CFAP95: variants seen among roughly 807,000 people sequenced by gnomAD.
CFAP95 encodes the protein cilia and flagella associated protein 95, also known as cilia- and flagella-associated protein 95.
At chr9:69,856,009 C>T in the CFAP95 span, among the ~76,000 whole-genome samples, 1 of 152,100 alleles carries the variant, frequency 6.6e-6, no homozygotes, top group East Asian at 1.9e-4. Flanking sequence ...AATATTGAAT[C>T]CCTTACATCC....
the CFAP95 span, among the ~76,000 whole-genome samples, chr9:69,848,261 A>C: frequency 6.6e-6 from 1 of 152,196 alleles, no homozygotes; most frequent in Non-Finnish European, 1.5e-5. Flanking sequence ...ATTGTGGACC[A>C]TGGGGAAGAA....
At chr9:69,830,642 G>A in the CFAP95 span, among the ~76,000 whole-genome samples, 33 of 152,180 alleles carry the variant, frequency 2.2e-4, no homozygotes, top group South Asian at 6.6e-3. Context: ...GAATAAATTT[G>A]AGTACTCTTA....
chr9:69,862,995 C>T, the CFAP95 span, among the ~76,000 whole-genome samples: 3 of 152,152 alleles, frequency 2.0e-5, no homozygotes, highest in African/African-American at 4.8e-5. Flanking sequence ...CTTCCATGTG[C>T]ATCACAGATG....
chr9:69,904,497 C>T, the CFAP95 span, among the ~76,000 whole-genome samples: 1 of 151,934 alleles, frequency 6.6e-6, no homozygotes, highest in African/African-American at 2.4e-5. Context: ...CAGTTTTTTC[C>T]TCCTCTAGTC....
the CFAP95 span, among the ~76,000 whole-genome samples, chr9:69,859,485 T>G: frequency 6.6e-6 from 1 of 152,184 alleles, no homozygotes; most frequent in East Asian, 1.9e-4. Context: ...GTTTCTGTTC[T>G]TTATTTGTTT....
the CFAP95 span, among the ~76,000 whole-genome samples, chr9:69,901,376 A>T: frequency 1.2e-4 from 18 of 152,152 alleles, no homozygotes; most frequent in Non-Finnish European, 2.5e-4. Flanking sequence ...TGACCTCGTG[A>T]TCCACCTGCC....
At chr9:69,842,630 A>C in the CFAP95 span, among the ~76,000 whole-genome samples, 1 of 152,176 alleles carries the variant, frequency 6.6e-6, no homozygotes, top group Non-Finnish European at 1.5e-5. Flanking sequence ...TTCTGTCCTC[A>C]TATTATACAT....
the CFAP95 span, chr9:69,886,864 A>G: frequency 1.5e-3 from 2,482 of 1,613,264 alleles, 5 homozygotes; most frequent in Non-Finnish European, 2.0e-3. Flanking sequence ...TACTCAGAAG[A>G]TTATGTTCCA....
chr9:69,847,703 C>T, the CFAP95 span, among the ~76,000 whole-genome samples: 1 of 152,276 alleles, frequency 6.6e-6, no homozygotes, highest in South Asian at 2.1e-4. Flanking sequence ...CCATCTGTTT[C>T]CCCTTCTGAA....
chr9:69,821,052 A>T, the CFAP95 span: 6 of 1,609,914 alleles, frequency 3.7e-6, no homozygotes, highest in Non-Finnish European at 4.2e-6. Flanking sequence ...TCCCCTCGCA[A>T]GTTCCCGGGT....
the CFAP95 span, among the ~76,000 whole-genome samples, chr9:69,850,307 T>C: frequency 6.6e-6 from 1 of 152,226 alleles, no homozygotes. Flanking sequence ...TTTTTGGAAC[T>C]AACAGGACAA....
the CFAP95 span, among the ~76,000 whole-genome samples, chr9:69,889,264 T>C: frequency 6.6e-6 from 1 of 152,236 alleles, no homozygotes; most frequent in Non-Finnish European, 1.5e-5. Context: ...TGCTAAAGAA[T>C]AGGCATAGTT....
At chr9:69,867,960 T>C in the CFAP95 span, among the ~76,000 whole-genome samples, 2 of 152,206 alleles carry the variant, frequency 1.3e-5, no homozygotes, top group African/African-American at 4.8e-5. Flanking sequence ...TAATCAGAGA[T>C]AATAAAATAG....
the CFAP95 span, among the ~76,000 whole-genome samples, chr9:69,845,203 A>G: frequency 7.8e-4 from 119 of 152,316 alleles, no homozygotes; most frequent in African/African-American, 2.7e-3. Flanking sequence ...TTATGGCATA[A>G]GTAATTCCTG....
the CFAP95 span, among the ~76,000 whole-genome samples, chr9:69,855,945 G>A: frequency 2.0e-5 from 3 of 152,188 alleles, no homozygotes; most frequent in East Asian, 1.9e-4. Flanking sequence ...ATGAGTTCTG[G>A]TTCTTGGCTC....
the CFAP95 span, among the ~76,000 whole-genome samples, chr9:69,826,611 A>G: frequency 6.6e-6 from 1 of 152,202 alleles, no homozygotes; most frequent in Non-Finnish European, 1.5e-5. Flanking sequence ...ACATAGACTT[A>G]GGCCCTCAAT....
At chr9:69,821,351 C>A in the CFAP95 span, among the ~76,000 whole-genome samples, 20 of 151,996 alleles carry the variant, frequency 1.3e-4, no homozygotes, top group Non-Finnish European at 2.6e-4. Flanking sequence ...AATAGGAGAG[C>A]CTTTCAGGGG....
chr9:69,883,708 A>T, the CFAP95 span, among the ~76,000 whole-genome samples: 1 of 151,690 alleles, frequency 6.6e-6, no homozygotes, highest in Non-Finnish European at 1.5e-5. Flanking sequence ...GATCCTTTGA[A>T]TTTCTGCCCT....
At chr9:69,825,571 C>T in the CFAP95 span, among the ~76,000 whole-genome samples, 10 of 152,094 alleles carry the variant, frequency 6.6e-5, no homozygotes, top group Non-Finnish European at 1.2e-4. Context: ...GCCAGAGATG[C>T]CTTTTCTAGG....
Sources: allele counts gnomAD v4.1 joint callset (sites outside exome capture counted in the v4.1 genomes callset), GRCh38; gene constraint gnomAD v4.1.1; transcripts MANE v1.5; gene names NCBI Gene and HGNC (gene_info 2026-07-23, HGNC 2026-07-21).